Variants in SLC5A10 observed in about 807,000 individuals in gnomAD.
SLC5A10 encodes the protein solute carrier family 5 member 10, also known as sodium/mannose cotransporter SLC5A10.
Under a neutral mutation model 68.9 loss-of-function variants are expected in SLC5A10, and 55 were observed. That is an observed-to-expected ratio of 0.80 (90% CI 0.64 to 1.00). The LOEUF is 1.00. Ranked by LOEUF, SLC5A10 falls within the 50% of genes least tolerant of loss-of-function variation. The pLI is 0.00. For missense variants in SLC5A10, 732 were observed against 819.3 expected, an observed-to-expected ratio of 0.89 and a Z score of 1.30; for synonymous variants, 344 against 344.8, an observed-to-expected ratio of 1.00 and a Z score of 0.02.
intron 9 of SLC5A10, among the ~76,000 whole-genome samples, chr17:18,991,218 G>A (rs1437659551): frequency 6.6e-6 from 1 of 152,176 alleles, no homozygotes; most frequent in Non-Finnish European, 1.5e-5. Context: ...GCCCAGGACG[G>A]GGCCTGGTTT....
In SLC5A10 at chr17:19,020,605, A is replaced by C. The variant is rs1021257553; in HGVS notation, c.*174A>C. 6 of 596,126 alleles carry C rather than the reference A, an allele frequency of 1.0e-5. No homozygotes were observed. Among genetic ancestry groups the C allele is most frequent in the Non-Finnish European group, 1.8e-5 (6 of 336,158 alleles). The allele number at this position is 596,126 out of a possible 1,614,324, so 36.9% of individuals were successfully genotyped here. Reference sequence around the variant, plus strand: ...GGGAGCCCTGAAAAATTAGGGGGGAAATGGGAGAAAATAATGTGACATTTC... The same window carrying C: ...GGGAGCCCTGAAAAATTAGGGGGGACATGGGAGAAAATAATGTGACATTTC... On this transcript the variant is annotated 3_prime_UTR_variant, in exon 15 of 15. Coordinates refer to ENST00000395645, the MANE Select transcript of SLC5A10 (RefSeq NM_001042450.4).
chr17:19,015,135 A>C lies in SLC5A10; in HGVS notation c.1177A>C (p.Thr393Pro), dbSNP rs1322998038. ...SIFNSSSTLF[T>P]MDIWRRLRPR... ...CTTCAACAGCAGCAGCACCCTCTTC[A>C]CTATGGACATCTGGAGGCGGCTGCG... Residue 393 changes from threonine (T) to proline (P), a missense_variant, in exon 11 of 15, where the codon ACT becomes CCT. By Grantham distance (38) the Thr-to-Pro change is conservative (BLOSUM62 -1). Transcript: ENST00000395645. The C allele has an allele frequency of 1.3e-6, 2 of 1,510,014 alleles. No homozygotes were observed. The highest frequency in any genetic ancestry group is 9.1e-7 in the Non-Finnish European group (1 of 1,102,772). 93.5% of individuals were successfully genotyped at this position (1,510,014 alleles called of 1,614,324 possible).
At chr17:18,997,047 C>T (rs2043587409) in intron 9 of SLC5A10, among the ~76,000 whole-genome samples, 1 of 152,238 alleles carries the variant, frequency 6.6e-6, no homozygotes, top group Non-Finnish European at 1.5e-5. Flanking sequence ...TTCATCAGCT[C>T]TGTGAACACC....
chr17:18,962,848 G>A (rs2042638914), intron 5 of SLC5A10, among the ~76,000 whole-genome samples: 1 of 152,144 alleles, frequency 6.6e-6, no homozygotes, highest in Admixed American at 6.5e-5. Flanking sequence ...GTTTCACCCT[G>A]CTGGCTTCTC....
intron 9 of SLC5A10, among the ~76,000 whole-genome samples, chr17:19,005,615 G>T (rs903469651): frequency 6.6e-6 from 1 of 152,022 alleles, no homozygotes; most frequent in African/African-American, 2.4e-5. Flanking sequence ...GCTTCCGTAG[G>T]CTGGTGACAT....
At position 18,993,517 on chromosome 17, in the gene SLC5A10, C is replaced by G. The variant is rs141298566; in HGVS notation, c.982+16528C>G. ...GCCTCAGAGATCCCTAGAGGCGGCT[C>G]AGAGAGAGGAGAGAGGCGGCCATAT... On this transcript the variant is annotated intron_variant, in intron 9 of 14. Transcript: ENST00000395645. 4.7e-3 allele frequency among the ~76,000 whole-genome samples: 712 copies of G among 152,260 alleles called. 9 individuals are homozygous for G. The highest frequency in any genetic ancestry group is 0.016 in the African/African-American group (649 of 41,554).
At position 19,004,664 on chromosome 17, in the gene SLC5A10, C is replaced by G. The variant is rs1291425996; in HGVS notation, c.983-8746C>G. ...AAACGCGGTTGCGGGGCGGCGACGC[C>G]CCGCGAGACCCGGGATCCGGGGGGC... On this transcript the variant is annotated intron_variant, in intron 9 of 14. Transcript: ENST00000395645. The surrounding 1 kb of genome is among the most constrained non-coding windows in gnomAD (Gnocchi z 5.4). 1 of 151,644 alleles carries G rather than the reference C, an allele frequency of 6.6e-6. No individual in the cohort carries two copies. Among genetic ancestry groups the G allele is most frequent in the Non-Finnish European group, 1.5e-5 (1 of 67,814 alleles). The allele number at this position is 151,644 out of a possible 1,614,324, so 9.4% of individuals were successfully genotyped here.
intron 9 of SLC5A10, chr17:18,988,367 C>T: frequency 3.1e-6 from 5 of 1,614,232 alleles, no homozygotes; most frequent in Non-Finnish European, 3.4e-6. Context: ...CCAGCAGGTC[C>T]TTGAAGATGT....
chr17:18,964,519 CA>C (rs745763238), intron 5 of SLC5A10, among the ~76,000 whole-genome samples: 70 of 152,152 alleles, frequency 4.6e-4, no homozygotes, highest in Non-Finnish European at 7.8e-4. Flanking sequence ...GCTTTCTAGA[CA>C]GGGGGTAAGG....
At position 19,019,817 on chromosome 17, in the gene SLC5A10, A is replaced by C; in HGVS notation, c.1515A>C (p.Pro505=). ...CGTGCGGAGAGCCAGACACGCGGCC[A>C]GCCGTCCTGGGGAGCATCCACTACC... ...APPCGEPDTR[P]AVLGSIHYLH... is the part of the protein sequence containing the mutation. The change falls in exon 13 of 15, where the codon CCA becomes CCC. Residue 505 remains proline (P), a synonymous_variant. Transcript: ENST00000395645. 1 of 1,613,564 alleles carries C rather than the reference A, an allele frequency of 6.2e-7. No individual in the cohort carries two copies. The highest frequency in any genetic ancestry group is 8.5e-7 in the Non-Finnish European group (1 of 1,179,922).
intron 10 of SLC5A10, 59 bp downstream of exon 10, chr17:19,013,576 T>A (rs1049321799): frequency 1.5e-6 from 2 of 1,333,196 alleles, no homozygotes; most frequent in East Asian, 2.7e-5. Flanking sequence ...TGGGGCCCAA[T>A]GAGTATGGGG....
At chr17:18,959,462 C>A (rs1185739067) in intron 3 of SLC5A10, 142 bp from the exon 4 acceptor site, 1 of 987,104 alleles carries the variant, frequency 1.0e-6, no homozygotes, top group Non-Finnish European at 1.5e-6. Context: ...GGGGAAGGAG[C>A]CACCCAGGAT....
chr17:19,000,504 G>C lies in SLC5A10; in HGVS notation c.983-12906G>C, dbSNP rs917453627. ...ATTCTAGTCATTTGGGAACAGGGGGGACTGACAGCAGTCCTGACAGGAACA... is the reference window on the plus strand; with the variant it reads ...ATTCTAGTCATTTGGGAACAGGGGGCACTGACAGCAGTCCTGACAGGAACA... On this transcript the variant is annotated intron_variant, in intron 9 of 14. Coordinates refer to ENST00000395645, the MANE Select transcript of SLC5A10 (RefSeq NM_001042450.4). The surrounding 1 kb of genome is among the most constrained non-coding windows in gnomAD (Gnocchi z 5.2). 2.0e-5 allele frequency among the ~76,000 whole-genome samples: 3 copies of C among 152,172 alleles called. No individual in the cohort carries two copies. Among genetic ancestry groups the C allele is most frequent in the South Asian group, 2.1e-4 (1 of 4,830 alleles).
At chr17:18,988,640 G>A (rs2043328887) in intron 9 of SLC5A10, among the ~76,000 whole-genome samples, 1 of 152,246 alleles carries the variant, frequency 6.6e-6, no homozygotes, top group Non-Finnish European at 1.5e-5. Context: ...CAGGGGCCCT[G>A]TGTTGGTGCA....
At position 19,017,176 on chromosome 17, in the gene SLC5A10, G is replaced by T; in HGVS notation, c.1241+1977G>T. 1 of 972,616 alleles carries T rather than the reference G, an allele frequency of 1.0e-6. No individual in the cohort carries two copies. The highest frequency in any genetic ancestry group is 1.6e-6 in the Non-Finnish European group (1 of 638,276). 60.2% of individuals were successfully genotyped at this position (972,616 alleles called of 1,614,324 possible). On this transcript the variant is annotated intron_variant, in intron 11 of 14. Transcript: ENST00000395645. This position sits in a 1 kb window ranked among gnomAD's most constrained non-coding sequence, Gnocchi z 5.6. Reference sequence around the variant, plus strand: ...AAGGCTGCGTGGTGCAGGGCAGGTTGCTCACCCTCTCTGGGCCCCAGTTCT... The same window carrying T: ...AAGGCTGCGTGGTGCAGGGCAGGTTTCTCACCCTCTCTGGGCCCCAGTTCT...
intron 9 of SLC5A10, among the ~76,000 whole-genome samples, chr17:18,993,396 A>G (rs1357463797): frequency 1.3e-5 from 2 of 152,206 alleles, no homozygotes; most frequent in African/African-American, 4.8e-5. Flanking sequence ...AGGCACAGCA[A>G]TGGAGTCTCC....
chr17:19,010,154 G>A (rs769127284), intron 9 of SLC5A10, among the ~76,000 whole-genome samples: 51 of 152,168 alleles, frequency 3.4e-4, no homozygotes, highest in East Asian at 7.8e-4. Flanking sequence ...GAGCGTGGGC[G>A]GATTGGTGGG....
At position 18,974,037 on chromosome 17, in the gene SLC5A10, C is replaced by T. The variant is rs146315116; in HGVS notation, c.847-2817C>T. 8.4e-3 allele frequency among the ~76,000 whole-genome samples: 1,275 copies of T among 152,196 alleles called. 13 individuals carry two copies. The highest frequency in any genetic ancestry group is 0.029 in the African/African-American group (1,220 of 41,526). On this transcript the variant is annotated intron_variant, in intron 8 of 14. Coordinates refer to ENST00000395645, the MANE Select transcript of SLC5A10 (RefSeq NM_001042450.4). ...CCTCCTAAGTAGTTGGGATTACAAG[C>T]GTGTACCATCATGCCCGGCTAATTT...
At chr17:18,990,789 G>A (rs1283772660) in intron 9 of SLC5A10, among the ~76,000 whole-genome samples, 2 of 56,334 alleles carry the variant, frequency 3.6e-5, no homozygotes, top group Non-Finnish European at 6.8e-5. Context: ...GATGGGGAGG[G>A]GGAGCCTGGT....
Sources: gnomAD v4.1 joint callset for allele counts (sites outside exome capture counted in the v4.1 genomes callset) on GRCh38, gnomAD v4.1.1 for gene constraint, Gnocchi (gnomAD v3.1) non-coding constraint, MANE v1.5 for transcripts, NCBI Gene and HGNC (gene_info 2026-07-23, HGNC 2026-07-21) for gene names.